CNTNAP2: variants seen among roughly 807,000 people sequenced by gnomAD.
CNTNAP2 encodes contactin associated protein 2.
Under a neutral mutation model 155.2 loss-of-function variants are expected in CNTNAP2, and 98 were observed. The observed-to-expected ratio is 0.63, with a 90% confidence interval of 0.54 to 0.75. The LOEUF is 0.75. Among genes scored for constraint, CNTNAP2 ranks in the 30% least tolerant of loss-of-function variants. The probability of loss-of-function intolerance (pLI) is 0.00; values close to 1 mark genes in which losing one functional copy is unlikely to be tolerated. For missense variants in CNTNAP2, 1,727 were observed against 1,688.1 expected (o/e 1.02, Z -0.40); for synonymous variants, 651 against 631.2 (o/e 1.03, Z -0.47).
chr7:147,559,909 G>A (rs1025777005), intron 11 of CNTNAP2, among the ~76,000 whole-genome samples: 1 of 149,654 alleles, frequency 6.7e-6, no homozygotes, highest in Non-Finnish European at 1.5e-5. Flanking sequence ...AGTGGCTCAC[G>A]CCTATAATCC....
intron 13 of CNTNAP2, among the ~76,000 whole-genome samples, chr7:147,863,393 T>C (rs979142766): frequency 6.6e-6 from 1 of 152,188 alleles, no homozygotes; most frequent in Non-Finnish European, 1.5e-5. Context: ...TAAACATACG[T>C]GTGCATGTGT....
intron 1 of CNTNAP2, among the ~76,000 whole-genome samples, chr7:146,272,013 A>G (rs985990789): frequency 2.0e-5 from 3 of 152,194 alleles, no homozygotes; most frequent in African/African-American, 7.2e-5. Context: ...TAAGTAATCA[A>G]ATAAAACTAA....
At chr7:146,513,743 A>G (rs1461238781) in intron 1 of CNTNAP2, among the ~76,000 whole-genome samples, 1 of 152,006 alleles carries the variant, frequency 6.6e-6, no homozygotes, top group East Asian at 1.9e-4. Flanking sequence ...GTGTTAGAGT[A>G]TTCTGAATTT....
chr7:146,968,069 A>G (rs918702922), intron 3 of CNTNAP2, among the ~76,000 whole-genome samples: 1 of 149,698 alleles, frequency 6.7e-6, no homozygotes, highest in Non-Finnish European at 1.5e-5. Flanking sequence ...TGAGATAATC[A>G]TGTGTTTTTT....
intron 3 of CNTNAP2, among the ~76,000 whole-genome samples, chr7:146,864,437 A>G (rs1190279947): frequency 1.3e-5 from 2 of 152,220 alleles, no homozygotes; most frequent in African/African-American, 2.4e-5. Context: ...CCTCAAATTC[A>G]TAATGGTCAA....
At chr7:147,645,181 CTG>C (rs1169344414) in intron 13 of CNTNAP2, among the ~76,000 whole-genome samples, 5 of 152,142 alleles carry the variant, frequency 3.3e-5, no homozygotes, top group African/African-American at 1.2e-4. Flanking sequence ...TGATACTAAA[CTG>C]TGATTTAGTG....
chr7:148,275,594 G>A (rs1011147061), intron 21 of CNTNAP2, among the ~76,000 whole-genome samples: 1 of 152,218 alleles, frequency 6.6e-6, no homozygotes, highest in Non-Finnish European at 1.5e-5. Flanking sequence ...TGACTGGATA[G>A]CCCGAAATAG....
intron 1 of CNTNAP2, among the ~76,000 whole-genome samples, chr7:146,200,065 T>A (rs537588856): frequency 1.3e-5 from 2 of 152,286 alleles, no homozygotes; most frequent in South Asian, 4.1e-4. Flanking sequence ...GTAGAATCTG[T>A]CTAAAATATT....
chr7:147,606,919 G>A (rs370758637), intron 12 of CNTNAP2, among the ~76,000 whole-genome samples: 1 of 81,504 alleles, frequency 1.2e-5, no homozygotes, highest in Admixed American at 1.4e-4. Context: ...ATTTTGATAA[G>A]CCTCACAGAG....
intron 12 of CNTNAP2, among the ~76,000 whole-genome samples, chr7:147,601,633 T>A (rs1168398963): frequency 5.5e-5 from 2 of 36,650 alleles, no homozygotes; most frequent in South Asian, 2.0e-3. Flanking sequence ...AGACATTGAC[T>A]CTTAAAAAAA....
At chr7:146,750,867 T>G (rs1337301633) in intron 1 of CNTNAP2, among the ~76,000 whole-genome samples, 2 of 152,182 alleles carry the variant, frequency 1.3e-5, no homozygotes, top group Admixed American at 1.3e-4. Flanking sequence ...AGTTAAGTGT[T>G]TATGTAGTAA....
chr7:148,414,959 T>C, intron 23 of CNTNAP2: 1 of 245,964 alleles, frequency 4.1e-6, no homozygotes, highest in South Asian at 6.2e-5. Context: ...TTAGGGTTCT[T>C]TCTATACATA....
chr7:146,958,271 G>A (rs1797477365), intron 3 of CNTNAP2, among the ~76,000 whole-genome samples: 1 of 152,086 alleles, frequency 6.6e-6, no homozygotes, highest in Non-Finnish European at 1.5e-5. Context: ...ATGGAGGAAG[G>A]CAGTGAGCAA....
At chr7:148,211,717 C>T (rs967488236) in intron 18 of CNTNAP2, among the ~76,000 whole-genome samples, 2 of 152,160 alleles carry the variant, frequency 1.3e-5, no homozygotes, top group African/African-American at 4.8e-5. Flanking sequence ...AACCTGAAGG[C>T]GTTTTGGTTT....
intron 13 of CNTNAP2, among the ~76,000 whole-genome samples, chr7:147,889,131 A>G (rs1014492134): frequency 2.6e-5 from 4 of 152,126 alleles, no homozygotes; most frequent in Non-Finnish European, 4.4e-5. Context: ...GTATCTACTA[A>G]AAGAATGATA....
Position 147,764,109 on chromosome 7 carries a change from C to T in CNTNAP2, c.2098+124803C>T, listed in dbSNP as rs554841697. ...TTCCCTTGTTCTCAAATCTCTATCT[C>T]GTGTATTCCAACCCTGTTTGCTATG... On this transcript the variant is annotated intron_variant, in intron 13 of 23. Transcript: ENST00000361727. Among the ~76,000 whole-genome samples, 32 of 152,274 alleles carry T rather than the reference C, an allele frequency of 2.1e-4. 1 individual carries two copies. The South Asian group carries it at 4.1e-3, about 20-fold the overall frequency.
intron 15 of CNTNAP2, among the ~76,000 whole-genome samples, chr7:148,110,571 A>G (rs1402197170): frequency 1.3e-5 from 2 of 152,212 alleles, no homozygotes; most frequent in African/African-American, 4.8e-5. Flanking sequence ...GCACATCACA[A>G]GTTCAGTTAC....
At chr7:147,368,145 C>T (rs1047091023) in intron 9 of CNTNAP2, among the ~76,000 whole-genome samples, 1 of 146,972 alleles carries the variant, frequency 6.8e-6, no homozygotes, top group African/African-American at 2.5e-5. Flanking sequence ...TATACACCAT[C>T]AGTGAGAAGT....
rs536150971 is a variant in CNTNAP2 at position 146,536,847 on chromosome 7, A to T, written c.98-237424A>T. Among the ~76,000 whole-genome samples the T allele has an allele frequency of 5.9e-5, 9 of 152,218 alleles. No individual in the cohort carries two copies. The East Asian group carries it at 1.4e-3, about 23-fold the overall frequency. Reference sequence around the variant, plus strand: ...CAAAATATTAATAAATGCAAAAGAGAATCATCAATATTTTTAATTTGAGAA... The same window carrying T: ...CAAAATATTAATAAATGCAAAAGAGTATCATCAATATTTTTAATTTGAGAA... On this transcript the variant is annotated intron_variant, in intron 1 of 23. Coordinates refer to ENST00000361727, the MANE Select transcript of CNTNAP2 (RefSeq NM_014141.6).
Sources: gnomAD v4.1 joint callset for allele counts (sites outside exome capture counted in the v4.1 genomes callset) on GRCh38, gnomAD v4.1.1 for gene constraint, MANE v1.5 for transcripts, NCBI Gene and HGNC (gene_info 2026-07-23, HGNC 2026-07-21) for gene names.